TSPEAR: variants seen among roughly 807,000 people sequenced by gnomAD.
The protein encoded by TSPEAR is thrombospondin type laminin G domain and EAR repeats.
Under a neutral mutation model 71.6 loss-of-function variants are expected in TSPEAR, and 69 were observed. The observed-to-expected ratio is 0.96, with a 90% confidence interval of 0.79 to 1.18. The LOEUF (loss-of-function observed/expected upper bound fraction) is 1.18. Among genes scored for constraint, TSPEAR ranks in the 50% most tolerant of loss-of-function variants. The pLI, the probability that TSPEAR is intolerant of heterozygous loss-of-function variation, is 0.00. For missense variants in TSPEAR, 971 were observed against 894.9 expected (o/e 1.09, Z -1.09); for synonymous variants, 402 against 387.2 (o/e 1.04, Z -0.45).
At chr21:44,558,287 C>T in intron 2 of TSPEAR, 3 of 1,614,130 alleles carry the variant, frequency 1.9e-6, no homozygotes, top group Non-Finnish European at 2.5e-6. Flanking sequence ...AGCAAGCCGG[C>T]TGGCGGCTAG....
At chr21:44,518,325 C>A (rs1438628720) in intron 9 of TSPEAR, 2 of 468,174 alleles carry the variant, frequency 4.3e-6, no homozygotes, top group African/African-American at 4.0e-5. Context: ...TGACACGCAG[C>A]TGGCCAGGTA....
chr21:44,540,196 G>A, intron 2 of TSPEAR: 1 of 1,594,352 alleles, frequency 6.3e-7, no homozygotes, highest in South Asian at 1.2e-5. Flanking sequence ...GAGTGAGTGA[G>A]TGTGGGAGTC....
chr21:44,632,849 G>C (rs954330684), intron 1 of TSPEAR, among the ~76,000 whole-genome samples: 4 of 152,058 alleles, frequency 2.6e-5, no homozygotes, highest in Non-Finnish European at 5.9e-5. Context: ...ATCTCAAAAA[G>C]AAAAAGAAGA....
In TSPEAR at chr21:44,611,223, T is replaced by C. The variant is rs587670648; in HGVS notation, c.83-43218A>G. Among the ~76,000 whole-genome samples the C allele has an allele frequency of 9.2e-5, 14 of 152,284 alleles. No homozygotes were observed. The South Asian group carries it at 2.7e-3, about 29-fold the overall frequency. On this transcript the variant is annotated intron_variant, in intron 1 of 11. Transcript: ENST00000323084. ...AGAATGATATGGTTTGGCTGTGTCCTTACCCAAATCTCGACTTGAATTTCA... is the reference window on the plus strand; with the variant it reads ...AGAATGATATGGTTTGGCTGTGTCCCTACCCAAATCTCGACTTGAATTTCA...
At chr21:44,606,929 GA>G (rs1388054398) in intron 1 of TSPEAR, among the ~76,000 whole-genome samples, 2 of 152,092 alleles carry the variant, frequency 1.3e-5, no homozygotes, top group Non-Finnish European at 2.9e-5. Context: ...CACACTGGAG[GA>G]AAAAGCTTTA....
rs587601295 is a variant in TSPEAR, at chr21:44,654,248, C to G, written c.82+57185G>C. On this transcript the variant is annotated intron_variant, in intron 1 of 11. Transcript: ENST00000323084. ...GAGCCTGCTGGCTTCTGACCTCGCACCTACGAGGGTCATAGGAGGCCACCT... is the reference window on the plus strand; with the variant it reads ...GAGCCTGCTGGCTTCTGACCTCGCAGCTACGAGGGTCATAGGAGGCCACCT... 3 of 1,585,684 alleles carry G rather than the reference C, an allele frequency of 1.9e-6. No homozygotes were observed. The Admixed American group carries it at 5.0e-5, about 27-fold the overall frequency.
chr21:44,704,626 C>T (rs1569270162), intron 1 of TSPEAR, among the ~76,000 whole-genome samples: 2 of 152,188 alleles, frequency 1.3e-5, no homozygotes, highest in South Asian at 2.1e-4. Flanking sequence ...TCCACGAAGG[C>T]TTGGATTAAC....
chr21:44,689,814 C>A (rs965273826), intron 1 of TSPEAR, among the ~76,000 whole-genome samples: 2 of 147,188 alleles, frequency 1.4e-5, no homozygotes, highest in Admixed American at 6.8e-5. Flanking sequence ...AGCTGAGGAG[C>A]AAAGAGATCC....
intron 1 of TSPEAR, among the ~76,000 whole-genome samples, chr21:44,583,948 A>C (rs2146108024): frequency 6.6e-6 from 1 of 152,336 alleles, no homozygotes; most frequent in African/African-American, 2.4e-5. Flanking sequence ...CCCGTGCTGC[A>C]CATGAGGTTT....
intron 1 of TSPEAR, chr21:44,697,348 C>T (rs1555950776): frequency 6.2e-7 from 1 of 1,612,928 alleles, no homozygotes; most frequent in South Asian, 1.1e-5. Context: ...CCTGCCTGAG[C>T]CTGGTCTGCA....
chr21:44,691,189 C>T (rs933720347), intron 1 of TSPEAR, among the ~76,000 whole-genome samples: 12 of 152,050 alleles, frequency 7.9e-5, no homozygotes, highest in Non-Finnish European at 1.8e-4. Flanking sequence ...ATTTTACAAC[C>T]TTGTTGCTTT....
At chr21:44,666,842 G>T in intron 1 of TSPEAR, 1 of 1,610,216 alleles carries the variant, frequency 6.2e-7, no homozygotes, top group Non-Finnish European at 8.5e-7. Context: ...GGCTGGGCGC[G>T]CAGCAGGCTG....
Position 44,527,525 on chromosome 21 carries a change from A to T in TSPEAR, c.923-7T>A. On this transcript the variant is annotated splice_region_variant and splice_polypyrimidine_tract_variant and intron_variant, in intron 6 of 11. Coordinates refer to ENST00000323084, the MANE Select transcript of TSPEAR (RefSeq NM_144991.3). ...TAGTCCAGTCTTTCTTTGGCTTGTG[A>T]TAGAAACGTTGTGACTCGGTTAAGA... The T allele has an allele frequency of 1.2e-6, 2 of 1,613,724 alleles. No homozygotes were observed.
intron 1 of TSPEAR, among the ~76,000 whole-genome samples, chr21:44,652,921 C>A (rs953579658): frequency 3.3e-5 from 5 of 152,096 alleles, no homozygotes; most frequent in African/African-American, 7.2e-5. Flanking sequence ...CTTTGGGAGG[C>A]CGAGGCGGGT....
intron 1 of TSPEAR, chr21:44,638,559 A>T: frequency 3.9e-6 from 1 of 258,794 alleles, no homozygotes; most frequent in Non-Finnish European, 7.9e-6. Context: ...GCCTGGCTCC[A>T]CCCCTCTGTC....
intron 1 of TSPEAR, chr21:44,657,822 T>C (rs1453815797): frequency 4.3e-6 from 3 of 696,904 alleles, no homozygotes; most frequent in Non-Finnish European, 7.3e-6. Flanking sequence ...CGCGGGAAAA[T>C]AAGATGTTGG....
intron 1 of TSPEAR, among the ~76,000 whole-genome samples, chr21:44,602,510 C>G (rs1384107581): frequency 1.3e-4 from 1 of 7,998 alleles, no homozygotes; most frequent in East Asian, 4.6e-3. Context: ...CATCCTGAGG[C>G]CCGCTGGCCG....
chr21:44,598,466 A>G (rs1000382107), intron 1 of TSPEAR, among the ~76,000 whole-genome samples: 1 of 152,226 alleles, frequency 6.6e-6, no homozygotes, highest in Non-Finnish European at 1.5e-5. Context: ...CCTTTGTCTC[A>G]GTGCTCGTTT....
intron 1 of TSPEAR, among the ~76,000 whole-genome samples, chr21:44,621,132 G>A (rs782598266): frequency 3.3e-5 from 5 of 152,214 alleles, no homozygotes; most frequent in Admixed American, 6.5e-5. Context: ...GTTTTCTGCT[G>A]TAGTTGGGTT....
Sources: gnomAD v4.1 joint callset for allele counts (sites outside exome capture counted in the v4.1 genomes callset) on GRCh38, gnomAD v4.1.1 for gene constraint, MANE v1.5 for transcripts, NCBI Gene and HGNC (gene_info 2026-07-23, HGNC 2026-07-21) for gene names.